RNFT2: variants seen among roughly 807,000 people sequenced by gnomAD.
The protein encoded by RNFT2 is E3 ubiquitin-protein ligase RNFT2.
In RNFT2, 36 loss-of-function variants were observed where a neutral mutation model predicts 53.0. The ratio of observed to expected loss-of-function variants is 0.68; its 90% CI spans 0.52 to 0.90. The LOEUF is 0.90. Among genes scored for constraint, RNFT2 ranks in the 40% least tolerant of loss-of-function variants. The pLI is 0.00. For missense variants in RNFT2, 514 were observed against 585.6 expected, an observed-to-expected ratio of 0.88 and a Z score of 1.26; for synonymous variants, 260 against 253.2, an observed-to-expected ratio of 1.03 and a Z score of -0.26.
intron 7 of RNFT2, among the ~76,000 whole-genome samples, chr12:116,798,844 T>TCACA (rs1874632000): frequency 6.6e-6 from 1 of 151,950 alleles, no homozygotes; most frequent in Non-Finnish European, 1.5e-5. Context: ...CAAGTGCTGA[T>TCACA]TACAGACATG....
rs1448934155 is a variant in RNFT2 at position 116,750,148 on chromosome 12, G to A, written c.391G>A (p.Gly131Ser). ...CGGGGGCTCCCTGCTGCAGCACGTG[G>A]GTGGGGACCACCGGGGGCACTCGGA... ...HRGGSLLQHV[G>S]GDHRGHSEEG... is the part of the protein sequence containing the mutation. The change falls in exon 4 of 11, where the codon GGT becomes AGT. Residue 131 changes from glycine (G) to serine (S), a missense_variant. Around this residue, in one of 3 missense-constraint regions of RNFT2, gnomAD observed 237 missense variants for 235.1 expected, o/e 1.01. Transcript: ENST00000257575. 1 of 1,586,872 alleles carries A rather than the reference G, an allele frequency of 6.3e-7. No individual in the cohort carries two copies. Among genetic ancestry groups the A allele is most frequent in the South Asian group, 1.1e-5 (1 of 88,504 alleles).
intron 7 of RNFT2, among the ~76,000 whole-genome samples, chr12:116,780,441 C>A (rs1873641685): frequency 6.6e-6 from 1 of 152,132 alleles, no homozygotes; most frequent in Non-Finnish European, 1.5e-5. Context: ...TCTACTGCCG[C>A]AGCTGATCTG....
chr12:116,805,743 G>C (rs1875016351), intron 7 of RNFT2, among the ~76,000 whole-genome samples: 1 of 152,184 alleles, frequency 6.6e-6, no homozygotes, highest in South Asian at 2.1e-4. Context: ...CAAAGTGCTG[G>C]GATTACAGGC....
rs1231577477 is a variant in RNFT2, at chr12:116,852,409, C to T, written c.*2961C>T. On this transcript the variant is annotated 3_prime_UTR_variant, in exon 11 of 11. Coordinates refer to ENST00000257575, the MANE Select transcript of RNFT2 (RefSeq NM_001382266.1). The stretch of plus-strand genomic sequence containing the variant: ...TTGGCTTGGCATCCCTGGCTCTCTC[C>T]TGGTACCCAGCAAGACGTCTGTTCC... 17 of 1,362,074 alleles carry T rather than the reference C, an allele frequency of 1.2e-5. No homozygotes were observed. The highest frequency in any genetic ancestry group is 1.5e-5 in the Non-Finnish European group (16 of 1,055,898). 84.4% of individuals were successfully genotyped at this position (1,362,074 alleles called of 1,614,324 possible). A position where few individuals can be genotyped will look rare whatever the true frequency, so the allele number is the denominator to read the frequency against.
In RNFT2 at chr12:116,743,239, AAAAAACCG is replaced by A. The variant is rs1566066769; in HGVS notation, c.83+2146_83+2153del. ...AAAAAAAAAAAAAAAAAAAAAAAAA[AAAAAACCG>A]GTTAAAAAACACTCATGAGCTAGAA... On this transcript the variant is annotated intron_variant, in intron 3 of 10. Coordinates refer to ENST00000257575, the MANE Select transcript of RNFT2 (RefSeq NM_001382266.1). 2.8e-5 allele frequency among the ~76,000 whole-genome samples: 3 copies of A among 108,682 alleles called. 1 individual carries two copies. The highest frequency in any genetic ancestry group is 3.4e-4 in the South Asian group (1 of 2,940). The allele number at this position is 108,682 out of a possible 152,430, so 71.3% of individuals were successfully genotyped here. A position where few individuals can be genotyped will look rare whatever the true frequency, so the allele number is the denominator to read the frequency against.
chr12:116,785,623 G>A (rs998478666), intron 7 of RNFT2, among the ~76,000 whole-genome samples: 25 of 152,268 alleles, frequency 1.6e-4, no homozygotes, highest in African/African-American at 5.8e-4. Flanking sequence ...GCCCACCAGT[G>A]TATCTGTAAG....
At chr12:116,785,275 GGCGGGGGGGGGT>G (rs1566080499) in intron 7 of RNFT2, among the ~76,000 whole-genome samples, 15 of 138,180 alleles carry the variant, frequency 1.1e-4, no homozygotes, top group South Asian at 2.3e-4. Flanking sequence ...GTGTGTGTGT[GGCGGGGGGGGGT>G]TGTTTGTTTG....
At chr12:116,845,027 G>A (rs1877531528) in intron 10 of RNFT2, among the ~76,000 whole-genome samples, 1 of 152,010 alleles carries the variant, frequency 6.6e-6, no homozygotes, top group Non-Finnish European at 1.5e-5. Flanking sequence ...AGGATCACAT[G>A]AAGCCAGGAG....
chr12:116,824,022 C>T (rs1384373474), intron 7 of RNFT2, among the ~76,000 whole-genome samples: 1 of 152,102 alleles, frequency 6.6e-6, no homozygotes, highest in Non-Finnish European at 1.5e-5. Context: ...TGCTCTTTGC[C>T]ATTGTGCTTG....
chr12:116,792,590 G>A (rs578039431), intron 7 of RNFT2, among the ~76,000 whole-genome samples: 7 of 152,060 alleles, frequency 4.6e-5, no homozygotes, highest in South Asian at 2.1e-4. Context: ...TATTTTATTC[G>A]GTGAGATTAA....
chr12:116,750,809 A>AT (rs1491445261), intron 4 of RNFT2, among the ~76,000 whole-genome samples: 1,844 of 25,134 alleles, frequency 0.073, 79 homozygotes, highest in African/African-American at 0.13. Context: ...ATATATATAT[A>AT]ATATATATAT....
At chr12:116,832,167 A>ATC (rs1457947321) in intron 7 of RNFT2, among the ~76,000 whole-genome samples, 62 of 143,322 alleles carry the variant, frequency 4.3e-4, no homozygotes, top group African/African-American at 1.5e-3. Context: ...ATATATATAT[A>ATC]TATCTTTCTA....
chr12:116,749,868 G>A lies in RNFT2; in HGVS notation c.111G>A (p.Glu37=). The change falls in exon 4 of 11, where the codon GAG becomes GAA. Residue 37 remains glutamate, a synonymous_variant. Coordinates refer to ENST00000257575, the MANE Select transcript of RNFT2 (RefSeq NM_001382266.1). ...ERNRSQALSS[E]ASVDEGGVFE... is the part of the protein sequence containing the mutation. ...ACCGCAGCCAGGCGCTCAGCTCCGA[G>A]GCGAGTGTGGATGAAGGTGGCGTCT... The A allele has an allele frequency of 6.3e-7, 1 of 1,586,260 alleles. No homozygotes were observed. The highest frequency in any genetic ancestry group is 8.6e-7 in the Non-Finnish European group (1 of 1,166,126).
chr12:116,776,028 G>T (rs1430386370), intron 6 of RNFT2, among the ~76,000 whole-genome samples: 1 of 151,940 alleles, frequency 6.6e-6, no homozygotes, highest in East Asian at 1.9e-4. Flanking sequence ...GGGCAACAGA[G>T]CGAGACTCTC....
chr12:116,810,486 G>A (rs1378314434), intron 7 of RNFT2, among the ~76,000 whole-genome samples: 3 of 152,160 alleles, frequency 2.0e-5, no homozygotes, highest in Non-Finnish European at 2.9e-5. Flanking sequence ...GTAGGTGAGT[G>A]AGTGACTCTC....
At chr12:116,794,680 G>GAGGGAGGGAGGA (rs1566083531) in intron 7 of RNFT2, among the ~76,000 whole-genome samples, 1 of 118,430 alleles carries the variant, frequency 8.4e-6, no homozygotes, top group Non-Finnish European at 1.7e-5. Context: ...GGAAGGGAGG[G>GAGGGAGGGAGGA]AGGGAGGGAG....
intron 7 of RNFT2, among the ~76,000 whole-genome samples, chr12:116,791,260 G>A (rs1033842783): frequency 2.0e-5 from 3 of 152,212 alleles, no homozygotes; most frequent in Admixed American, 6.5e-5. Flanking sequence ...CTCTCATGCC[G>A]TGCTATGTTT....
intron 7 of RNFT2, among the ~76,000 whole-genome samples, chr12:116,828,492 T>C (rs1013423763): frequency 6.6e-6 from 1 of 152,234 alleles, no homozygotes; most frequent in African/African-American, 2.4e-5. Flanking sequence ...AGCAGAGTTC[T>C]ACCACACTGT....
chr12:116,758,755 T>C (rs532432492), intron 5 of RNFT2, among the ~76,000 whole-genome samples: 1 of 152,324 alleles, frequency 6.6e-6, no homozygotes, highest in South Asian at 2.1e-4. Flanking sequence ...TTTTCCTTTA[T>C]AGGTTAGCTG....
Sources: gnomAD v4.1 joint callset for allele counts (sites outside exome capture counted in the v4.1 genomes callset) on GRCh38, gnomAD v4.1.1 for gene constraint, gnomAD v4.1.1 regional missense constraint, MANE v1.5 for transcripts, NCBI Gene and HGNC (gene_info 2026-07-23, HGNC 2026-07-21) for gene names.